Variants in CCN3 observed in about 807,000 individuals in gnomAD.
The protein encoded by CCN3 is cellular communication network factor 3, also known as CCN family member 3.
In CCN3, 20 loss-of-function variants were observed where a neutral mutation model predicts 33.4. That is an observed-to-expected ratio of 0.60 (90% CI 0.42 to 0.87). The LOEUF (loss-of-function observed/expected upper bound fraction) is 0.87. CCN3 is among the 40% of genes least tolerant of loss of function. The pLI, the probability that CCN3 is intolerant of heterozygous loss-of-function variation, is 0.00. For synonymous variants in CCN3, 205 were observed against 170.4 expected (o/e 1.20, Z -1.58); for missense variants, 465 against 455.3 (o/e 1.02, Z -0.19).
chr8:119,416,875 C>T lies in CCN3; in HGVS notation c.216C>T (p.Gly72=). The change falls in exon 2 of 5, where the codon GGC becomes GGT. Residue 72 remains glycine, a synonymous_variant. Coordinates refer to ENST00000259526, the MANE Select transcript of CCN3 (RefSeq NM_002514.4). ...GTCTGGTGTGTGCCCGCCAGCGTGG[C>T]GAGAGCTGCTCAGATCTGGAGCCAT... ...SCCLVCARQR[G]ESCSDLEPCD... The T allele has an allele frequency of 1.9e-6, 3 of 1,613,768 alleles. No individual in the cohort carries two copies. In the South Asian group the frequency reaches 3.3e-5, roughly 18 times the overall value.
intron 4 of CCN3, among the ~76,000 whole-genome samples, chr8:119,421,011 C>CTTTTTTTTTTTT (rs770175066): frequency 5.3e-5 from 4 of 75,014 alleles, no homozygotes; most frequent in Non-Finnish European, 7.3e-5. Context: ...GACAGTGGTT[C>CTTTTTTTTTTTT]TTTTTTTTTT....
At chr8:119,420,205 C>A (rs907838581) in intron 4 of CCN3, among the ~76,000 whole-genome samples, 3 of 152,204 alleles carry the variant, frequency 2.0e-5, no homozygotes, top group Non-Finnish European at 4.4e-5. Flanking sequence ...AGCCAGACAG[C>A]TTGGCTTCAA....
intron 2 of CCN3, among the ~76,000 whole-genome samples, chr8:119,417,752 A>G (rs1820071096): frequency 1.3e-5 from 2 of 152,156 alleles, no homozygotes. Flanking sequence ...GTTCTCGCAA[A>G]ATGACTGAAC....
intron 2 of CCN3, 53 bp from the exon 3 acceptor site, chr8:119,418,005 T>C (rs577359575): frequency 1.3e-6 from 2 of 1,555,038 alleles, no homozygotes; most frequent in Non-Finnish European, 1.8e-6. Flanking sequence ...TGTATTGTGT[T>C]CTTGTTTTTC....
chr8:119,420,828 C>T (rs1198957385), intron 4 of CCN3, among the ~76,000 whole-genome samples: 1 of 151,970 alleles, frequency 6.6e-6, no homozygotes. Flanking sequence ...TAAGATGTGG[C>T]TTTTTCTATT....
rs1820060401 is a variant in CCN3 at position 119,416,980 on chromosome 8, T to C, written c.310+11T>C. 3 of 1,598,168 alleles carry C rather than the reference T, an allele frequency of 1.9e-6. No homozygotes were observed. The East Asian group carries it at 6.7e-5, about 36-fold the overall frequency. On this transcript the variant is annotated intron_variant, in intron 2 of 4. Coordinates refer to ENST00000259526, the MANE Select transcript of CCN3 (RefSeq NM_002514.4). ...CTGGCATCTGCACGGGTAATCCTGC[T>C]CCCTCTGCTGTTTGACCTCTTCTCC...
At chr8:119,418,781 T>A (rs1388111595) in intron 3 of CCN3, among the ~76,000 whole-genome samples, 6 of 152,238 alleles carry the variant, frequency 3.9e-5, no homozygotes, top group African/African-American at 1.2e-4. Context: ...AAGGCTCAGA[T>A]GGCACTTCAG....
intron 2 of CCN3, chr8:119,417,183 T>C (rs554824195): frequency 9.4e-5 from 51 of 542,968 alleles, no homozygotes; most frequent in Non-Finnish European, 1.5e-4. Context: ...AAACCTGCCC[T>C]GGGGGTGAAA....
In CCN3 at chr8:119,424,274, A is replaced by G. The variant is rs1820165417; in HGVS notation, c.*1142A>G. 6.6e-6 allele frequency: 1 copy of G among 152,192 alleles called. No individual in the cohort carries two copies. Among genetic ancestry groups the G allele is most frequent in the African/African-American group, 2.4e-5 (1 of 41,432 alleles). The allele number at this position is 152,192 out of a possible 1,614,324, so 9.4% of individuals were successfully genotyped here. ...TTCTCTCTTTTAAAGTATTTATAAA[A>G]ATATAAATTGTACATTTTGTAAAAT... On this transcript the variant is annotated 3_prime_UTR_variant, in exon 5 of 5. Coordinates refer to ENST00000259526, the MANE Select transcript of CCN3 (RefSeq NM_002514.4).
At chr8:119,417,761 A>G (rs1820071158) in intron 2 of CCN3, among the ~76,000 whole-genome samples, 1 of 152,166 alleles carries the variant, frequency 6.6e-6, no homozygotes, top group Non-Finnish European at 1.5e-5. Context: ...AAATGACTGA[A>G]CATTGGGAAA....
chr8:119,417,622 G>A (rs1411128974), intron 2 of CCN3, among the ~76,000 whole-genome samples: 1 of 152,166 alleles, frequency 6.6e-6, no homozygotes, highest in East Asian at 1.9e-4. Flanking sequence ...ATTTTATTAT[G>A]CTTGAGTGTC....
In CCN3 at chr8:119,419,214, T is replaced by A. The variant is rs1253534727; in HGVS notation, c.646T>A (p.Cys216Ser). 1.2e-6 allele frequency: 2 copies of A among 1,614,110 alleles called. No homozygotes were observed. The highest frequency in any genetic ancestry group is 3.3e-5 in the Admixed American group (2 of 60,012). ...CIEQTTEWTA[C>S]SKSCGMGFST... Reference sequence around the variant, plus strand: ...TGAACAGACCACAGAGTGGACAGCATGCTCCAAGAGCTGTGGTATGGGGTT... The same window carrying A: ...TGAACAGACCACAGAGTGGACAGCAAGCTCCAAGAGCTGTGGTATGGGGTT... Residue 216 changes from cysteine to serine, a missense_variant, in exon 4 of 5, where the codon TGC (cysteine) becomes AGC (serine). By Grantham distance (112) the Cys-to-Ser change is moderately radical. Transcript: ENST00000259526.
chr8:119,423,603 T>C lies in CCN3; in HGVS notation c.*471T>C, dbSNP rs992674317. 1.3e-5 allele frequency: 2 copies of C among 153,508 alleles called. No homozygotes were observed. Among genetic ancestry groups the C allele is most frequent in the Admixed American group, 6.4e-5 (1 of 15,544 alleles). 9.5% of individuals were successfully genotyped at this position (153,508 alleles called of 1,614,324 possible). A position where few individuals can be genotyped will look rare whatever the true frequency, so the allele number is the denominator to read the frequency against. On this transcript the variant is annotated 3_prime_UTR_variant, in exon 5 of 5. Transcript: ENST00000259526. ...GAAGATTCTCTATTGGCTCCCTTTT[T>C]GGGTAAACCAGCTCTGAACTTCCAA...
intron 4 of CCN3, chr8:119,419,918 C>T (rs1453748788): frequency 6.5e-6 from 1 of 152,910 alleles, no homozygotes; most frequent in Admixed American, 6.5e-5. Flanking sequence ...AATAAAACAG[C>T]ACATATCTTT....
In CCN3 at chr8:119,423,017, TAGTCAAGA is replaced by T; in HGVS notation, c.962_969del (p.Val321AlafsTer16). Reference sequence around the variant, plus strand: ...GAGTTTCAGTGCTCCCCAGGGCAAATAGTCAAGAAGCCAGTGATGGTCATTGGGACCTG... The same window carrying T: ...GAGTTTCAGTGCTCCCCAGGGCAAATAGCCAGTGATGGTCATTGGGACCTG... On this transcript the variant is annotated frameshift_variant, in exon 5 of 5. Transcript: ENST00000259526. LOFTEE classifies it high-confidence loss of function. 1.2e-6 allele frequency: 2 copies of T among 1,614,022 alleles called. No homozygotes were observed. The highest frequency in any genetic ancestry group is 1.7e-6 in the Non-Finnish European group (2 of 1,179,998).
At chr8:119,417,459 A>G (rs1820066891) in intron 2 of CCN3, among the ~76,000 whole-genome samples, 1 of 152,242 alleles carries the variant, frequency 6.6e-6, no homozygotes, top group Non-Finnish European at 1.5e-5. Context: ...TTCTGGCTGC[A>G]AGTAAAATAA....
At position 119,423,134 on chromosome 8, in the gene CCN3, C is replaced by T. The variant is rs779971719; in HGVS notation, c.*2C>T. ...AAGACTACCAGAGGGAAAATGTAAC[C>T]TGTCACTCAAGAAGCACACCTACAG... On this transcript the variant is annotated 3_prime_UTR_variant, in exon 5 of 5. Transcript: ENST00000259526. The T allele has an allele frequency of 1.2e-6, 2 of 1,610,790 alleles. No individual in the cohort carries two copies. Among genetic ancestry groups the T allele is most frequent in the Non-Finnish European group, 1.7e-6 (2 of 1,177,508 alleles).
At chr8:119,417,505 G>A (rs769179405) in intron 2 of CCN3, among the ~76,000 whole-genome samples, 6 of 152,166 alleles carry the variant, frequency 3.9e-5, no homozygotes, top group South Asian at 2.1e-4. Context: ...CTTCTAAAAC[G>A]TAATCAGTCG....
At chr8:119,417,021 C>T (rs1820060844) in intron 2 of CCN3, 52 bp downstream of exon 2, 1 of 1,452,046 alleles carries the variant, frequency 6.9e-7, no homozygotes, top group Non-Finnish European at 9.5e-7. Flanking sequence ...CTAAGTGAAG[C>T]TGCTTCCTCC....
Sources: allele counts gnomAD v4.1 joint callset (sites outside exome capture counted in the v4.1 genomes callset), GRCh38; gene constraint gnomAD v4.1.1; transcripts MANE v1.5; gene names NCBI Gene and HGNC (gene_info 2026-07-23, HGNC 2026-07-21).